Variants in FARP1 observed in about 807,000 individuals in gnomAD.
The protein encoded by FARP1 is FERM, ARH/RhoGEF and pleckstrin domain protein 1, also known as FERM, ARHGEF and pleckstrin domain-containing protein 1.
FARP1 carries 52 observed loss-of-function variants against 128.8 expected under a neutral mutation model. The ratio of observed to expected loss-of-function variants is 0.40; its 90% CI spans 0.32 to 0.51. The LOEUF is 0.51. Among genes scored for constraint, FARP1 ranks in the 20% least tolerant of loss-of-function variants. The probability of loss-of-function intolerance (pLI) is 0.45; values close to 1 mark genes in which losing one functional copy is unlikely to be tolerated. For synonymous variants in FARP1, 580 were observed against 551.8 expected (o/e 1.05, Z -0.72); for missense variants, 1,333 against 1,367.9 (o/e 0.97, Z 0.40).
chr13:98,308,465 A>G (rs1886292260), intron 2 of FARP1, among the ~76,000 whole-genome samples: 1 of 152,132 alleles, frequency 6.6e-6, no homozygotes, highest in Non-Finnish European at 1.5e-5. Context: ...ACGAAGATAG[A>G]AGATGAGGTC....
intron 6 of FARP1, among the ~76,000 whole-genome samples, chr13:98,380,258 C>G (rs940905304): frequency 7.2e-5 from 11 of 151,892 alleles, no homozygotes; most frequent in Non-Finnish European, 1.5e-4. Flanking sequence ...ACCAGCCTGG[C>G]CAAGATGGTG....
Position 98,395,412 on chromosome 13 carries a change from AGAG to A in FARP1, c.1358_1360del (p.Glu453del), listed in dbSNP as rs1274166355. The A allele has an allele frequency of 1.2e-6, 2 of 1,611,194 alleles. No homozygotes were observed. The highest frequency in any genetic ancestry group is 1.7e-6 in the Non-Finnish European group (2 of 1,178,716). On this transcript the variant is annotated inframe_deletion, in exon 13 of 27. Transcript: ENST00000319562. ...GAGCCGCCTCGGCGCCCACGGAGGA[AGAG>A]GAGGAGGTCGTTAAGGATAGGACCC...
rs575883460 is a variant in FARP1 at position 98,331,027 on chromosome 13, C to T, written c.172-12735C>T. Among the ~76,000 whole-genome samples the T allele has an allele frequency of 2.6e-5, 4 of 152,264 alleles. No homozygotes were observed. In the South Asian group the frequency reaches 8.3e-4, roughly 32 times the overall value. ...AGTTCTTTAATTAAATCCTGGCCAT[C>T]GATCAGCATCCCTTTCTATTGCATT... On this transcript the variant is annotated intron_variant, in intron 2 of 26. Coordinates refer to ENST00000319562, the MANE Select transcript of FARP1 (RefSeq NM_005766.4).
intron 2 of FARP1, among the ~76,000 whole-genome samples, chr13:98,219,846 T>C (rs1034006306): frequency 9.9e-5 from 15 of 151,872 alleles, no homozygotes; most frequent in African/African-American, 3.6e-4. Flanking sequence ...TTTTTTACTT[T>C]TTGTAGAGAC....
chr13:98,226,456 A>T (rs1819152401), intron 2 of FARP1, among the ~76,000 whole-genome samples: 1 of 151,036 alleles, frequency 6.6e-6, no homozygotes, highest in South Asian at 2.1e-4. Flanking sequence ...ACTCACAGGT[A>T]CCAGGGATTA....
In FARP1 at chr13:98,409,419, C is replaced by T; in HGVS notation, c.1496C>T (p.Ser499Phe). ...GTGGCCCCTGCCAACGTGACCTTGTCTCCCAACCTGAGCCCCGACACCAAG... is the reference window on the plus strand; with the variant it reads ...GTGGCCCCTGCCAACGTGACCTTGTTTCCCAACCTGAGCCCCGACACCAAG... Reference protein sequence around the residue: ...GGVAPANVTLSPNLSPDTKQA... With the variant: ...GGVAPANVTLFPNLSPDTKQA... The change falls in exon 14 of 27, where the codon TCT (serine) becomes TTT (phenylalanine). Residue 499 changes from serine to phenylalanine, a missense_variant. Around this residue, in one of 2 missense-constraint regions of FARP1, gnomAD observed 1,009 missense variants for 969.8 expected, o/e 1.04. Transcript: ENST00000319562. The T allele has an allele frequency of 3.1e-6, 5 of 1,614,056 alleles. No homozygotes were observed. Among genetic ancestry groups the T allele is most frequent in the Non-Finnish European group, 4.2e-6 (5 of 1,180,030 alleles).
intron 2 of FARP1, among the ~76,000 whole-genome samples, chr13:98,271,192 G>A (rs767905602): frequency 6.6e-6 from 1 of 152,182 alleles, no homozygotes; most frequent in African/African-American, 2.4e-5. Flanking sequence ...CACTACGCTA[G>A]TTGTTGAGAA....
At position 98,417,455 on chromosome 13, in the gene FARP1, G is replaced by GAAAA. The variant is rs869304302; in HGVS notation, c.1826+5447_1826+5450dup. On this transcript the variant is annotated intron_variant, in intron 16 of 26. Coordinates refer to ENST00000319562, the MANE Select transcript of FARP1 (RefSeq NM_005766.4). ...AGGAAACAGAGGCCACCAGAGGTTT[G>GAAAA]AAAAAAAAAAAAAAAAAAAAAAAAA... is the stretch of plus-strand genomic sequence containing the variant. 8.2e-4 allele frequency among the ~76,000 whole-genome samples: 48 copies of GAAAA among 58,478 alleles called. 2 individuals carry two copies. The highest frequency in any genetic ancestry group is 1.1e-3 in the African/African-American group (19 of 17,466). The allele number at this position is 58,478 out of a possible 152,430, so 38.4% of individuals were successfully genotyped here.
intron 1 of FARP1, among the ~76,000 whole-genome samples, chr13:98,180,663 A>G (rs150300040): frequency 2.0e-3 from 310 of 152,282 alleles, no homozygotes; most frequent in African/African-American, 7.2e-3. Context: ...CTTCTAAAAT[A>G]TTATTGATGT....
chr13:98,165,928 C>G (rs1171005500), intron 1 of FARP1, among the ~76,000 whole-genome samples: 1 of 151,828 alleles, frequency 6.6e-6, no homozygotes, highest in Non-Finnish European at 1.5e-5. Context: ...CCATGTTGGC[C>G]AGGCTCGTCT....
At chr13:98,374,673 G>C (rs1370694586) in intron 5 of FARP1, among the ~76,000 whole-genome samples, 1 of 152,194 alleles carries the variant, frequency 6.6e-6, no homozygotes, top group African/African-American at 2.4e-5. Context: ...AAAACTGGAA[G>C]TCATAGTCTG....
chr13:98,420,930 A>AT (rs1891570274), intron 16 of FARP1, among the ~76,000 whole-genome samples: 1 of 152,154 alleles, frequency 6.6e-6, no homozygotes, highest in South Asian at 2.1e-4. Context: ...AGGAATTTGG[A>AT]TTTTGTCCCC....
chr13:98,426,252 C>T (rs1891783058), intron 17 of FARP1, among the ~76,000 whole-genome samples: 1 of 152,116 alleles, frequency 6.6e-6, no homozygotes, highest in East Asian at 1.9e-4. Context: ...ATTTGGGAGG[C>T]TAAGGTGGGA....
At chr13:98,215,957 A>AT (rs1306662215) in intron 2 of FARP1, among the ~76,000 whole-genome samples, 1 of 151,930 alleles carries the variant, frequency 6.6e-6, no homozygotes, top group African/African-American at 2.4e-5. Context: ...CACCCAGCCA[A>AT]TTTTTGTGTT....
At chr13:98,435,915 T>TAA in intron 19 of FARP1, 1 of 664,540 alleles carries the variant, frequency 1.5e-6, no homozygotes, top group Non-Finnish European at 2.8e-6. Context: ...GACCTCATAT[T>TAA]CTGCTTTTTC....
rs933062153 is a variant in FARP1, at chr13:98,409,666, G to A, written c.1602+141G>A. On this transcript the variant is annotated intron_variant, in intron 14 of 26. Coordinates refer to ENST00000319562, the MANE Select transcript of FARP1 (RefSeq NM_005766.4). ...CAAGTGTACAGCTTGCTGGCATTAA[G>A]TACATTCATGTTGTTGTGCCACTGT... 8.5e-5 allele frequency: 55 copies of A among 643,340 alleles called. No individual in the cohort carries two copies. The African/African-American group carries it at 9.4e-4, about 11-fold the overall frequency. The allele number at this position is 643,340 out of a possible 1,614,324, so 39.9% of individuals were successfully genotyped here.
At chr13:98,360,468 G>GAC (rs34543929) in intron 3 of FARP1, among the ~76,000 whole-genome samples, 80,716 of 151,752 alleles carry the variant, frequency 0.53, 22,314 homozygotes, top group Non-Finnish European at 0.6. Context: ...AGGCCACTTG[G>GAC]ACAGACACTG....
chr13:98,366,083 A>C (rs1340010862), intron 4 of FARP1, among the ~76,000 whole-genome samples: 1 of 152,156 alleles, frequency 6.6e-6, no homozygotes, highest in Non-Finnish European at 1.5e-5. Context: ...TTGAGCTAAA[A>C]TTCAGCATCA....
intron 2 of FARP1, among the ~76,000 whole-genome samples, chr13:98,269,719 A>G (rs1047005797): frequency 2.0e-5 from 3 of 152,072 alleles, no homozygotes; most frequent in African/African-American, 7.2e-5. Flanking sequence ...ATTTGTTACT[A>G]TTTTTCTTAA....
Sources: gnomAD v4.1 joint callset for allele counts (sites outside exome capture counted in the v4.1 genomes callset) on GRCh38, gnomAD v4.1.1 for gene constraint, gnomAD v4.1.1 regional missense constraint, MANE v1.5 for transcripts, NCBI Gene and HGNC (gene_info 2026-07-23, HGNC 2026-07-21) for gene names.